The following KLRD1 variants were observed in gnomAD, a reference collection of about 807,000 sequenced individuals.
KLRD1 encodes the protein killer cell lectin like receptor D1, also known as natural killer cells antigen CD94.
Under a neutral mutation model 22.6 loss-of-function variants are expected in KLRD1, and 21 were observed. The observed-to-expected ratio is 0.93, with a 90% CI of 0.66 to 1.34. The LOEUF (loss-of-function observed/expected upper bound fraction) is 1.34. KLRD1 is among the 40% of genes most tolerant of loss of function. The pLI is 0.00. For synonymous variants in KLRD1, 59 were observed against 71.1 expected, an observed-to-expected ratio of 0.83 and a Z score of 0.85; for missense variants, 183 against 208.6, an observed-to-expected ratio of 0.88 and a Z score of 0.76.
chr12:10,267,268 A>G (rs2137638871), intron 1 of KLRD1, among the ~76,000 whole-genome samples: 1 of 152,256 alleles, frequency 6.6e-6, no homozygotes, highest in East Asian at 1.9e-4. Flanking sequence ...CAGTATTATC[A>G]TCTCAGTGTT....
At position 10,244,509 on chromosome 12, in the gene KLRD1, C is replaced by T. The variant is rs184522742; in HGVS notation, c.-101+18276C>T. 9.4e-4 allele frequency among the ~76,000 whole-genome samples: 143 copies of T among 152,236 alleles called. 1 individual carries two copies. The highest frequency in any genetic ancestry group is 2.6e-4 in the Non-Finnish European group (18 of 68,024). On this transcript the variant is annotated intron_variant, in intron 1 of 5. Coordinates refer to the KLRD1 transcript ENST00000544747. ...ATTGTTAAAACTTCAGGGACTGGCA[C>T]GGTGGCTCATGCCTGTAATCCCAGC... is the stretch of plus-strand genomic sequence containing the variant.
chr12:10,291,837 C>T (rs1565461663), intron 1 of KLRD1, among the ~76,000 whole-genome samples: 1 of 152,072 alleles, frequency 6.6e-6, no homozygotes, highest in African/African-American at 2.4e-5. Flanking sequence ...GTTCCCCTCC[C>T]TGTGTCCATG....
intron 1 of KLRD1, among the ~76,000 whole-genome samples, chr12:10,269,022 G>C (rs1382118185): frequency 2.6e-5 from 4 of 151,932 alleles, no homozygotes; most frequent in Non-Finnish European, 5.9e-5. Flanking sequence ...CCTGTATGTA[G>C]AAATAATCCT....
rs994192811 is a variant in KLRD1, at chr12:10,326,826, GC to G, written c.*12034del. 7.9e-5 allele frequency: 12 copies of G among 152,326 alleles called. No homozygotes were observed. Among genetic ancestry groups the G allele is most frequent in the African/African-American group, 2.9e-4 (12 of 41,584 alleles). 9.4% of individuals were successfully genotyped at this position (152,326 alleles called of 1,614,324 possible). ...GCAGTTTTGCCCTAAGCAGTTCCCA[GC>G]TTGAATTTTCCCTTTTGTTGAGTGA... On this transcript the variant is annotated 3_prime_UTR_variant, in exon 6 of 6. Coordinates refer to ENST00000336164, the MANE Select transcript of KLRD1 (RefSeq NM_002262.5).
At chr12:10,252,733 G>C (rs1170433941) in intron 1 of KLRD1, among the ~76,000 whole-genome samples, 1 of 152,080 alleles carries the variant, frequency 6.6e-6, no homozygotes, top group African/African-American at 2.4e-5. Flanking sequence ...TTGAGAAAGA[G>C]GAATAACTTT....
In KLRD1 at chr12:10,324,350, A is replaced by G. The variant is rs1404064668; in HGVS notation, c.*9557A>G. ...TAATTTTGTCATCCTGGTAATCAGC[A>G]TAGTACCTGACAGGCAGTTTTTCTA... On this transcript the variant is annotated 3_prime_UTR_variant, in exon 6 of 6. Transcript: ENST00000336164. The G allele has an allele frequency of 2.0e-5, 3 of 152,194 alleles. No individual in the cohort carries two copies. Among genetic ancestry groups the G allele is most frequent in the East Asian group, 1.9e-4 (1 of 5,200 alleles). 9.4% of individuals were successfully genotyped at this position (152,194 alleles called of 1,614,324 possible).
chr12:10,300,601 A>G (rs1356215201), upstream of KLRD1, among the ~76,000 whole-genome samples: 1 of 152,238 alleles, frequency 6.6e-6, no homozygotes, highest in African/African-American at 2.4e-5. Context: ...CAGAAAAATA[A>G]GTGAGCAATG....
At chr12:10,277,603 T>A (rs1268415808) in intron 1 of KLRD1, among the ~76,000 whole-genome samples, 1 of 152,202 alleles carries the variant, frequency 6.6e-6, no homozygotes, top group South Asian at 2.1e-4. Context: ...ATGATTTTTT[T>A]ACTTCACTTA....
In KLRD1 at chr12:10,315,501, A is replaced by T. The variant is rs2537751; in HGVS notation, c.*708A>T. 27 of 168,842 alleles carry T rather than the reference A, an allele frequency of 1.6e-4. No homozygotes were observed. The highest frequency in any genetic ancestry group is 3.2e-4 in the Non-Finnish European group (25 of 78,050). The allele number at this position is 168,842 out of a possible 1,614,324, so 10.5% of individuals were successfully genotyped here. On this transcript the variant is annotated 3_prime_UTR_variant, in exon 6 of 6. Transcript: ENST00000336164. The stretch of plus-strand genomic sequence containing the variant: ...AACTGACAAAAGATATAGGATGAAA[A>T]ATAATATCTTTCAAATGTTTAATTT...
chr12:10,293,736 G>C (rs1565462321), intron 1 of KLRD1, among the ~76,000 whole-genome samples: 1 of 152,134 alleles, frequency 6.6e-6, no homozygotes, highest in Admixed American at 6.5e-5. Context: ...AGGTAGGGTT[G>C]CCACAAAACC....
At chr12:10,249,927 G>T (rs1314817552) in intron 1 of KLRD1, among the ~76,000 whole-genome samples, 2 of 152,046 alleles carry the variant, frequency 1.3e-5, no homozygotes, top group East Asian at 3.9e-4. Flanking sequence ...GAGTTCGCAG[G>T]AGCTGCCATC....
rs1290928822 is a variant in KLRD1 at position 10,322,452 on chromosome 12, A to G, written c.*7659A>G. 6.6e-6 allele frequency: 1 copy of G among 152,170 alleles called. No homozygotes were observed. The highest frequency in any genetic ancestry group is 1.9e-4 in the East Asian group (1 of 5,192). 9.4% of individuals were successfully genotyped at this position (152,170 alleles called of 1,614,324 possible). A position where few individuals can be genotyped will look rare whatever the true frequency, so the allele number is the denominator to read the frequency against. ...CAATAAAAAACAACTCTTCTGCCAGATTAAAATTTTTTGTTTTTTGGTTTT... is the reference window on the plus strand; with the variant it reads ...CAATAAAAAACAACTCTTCTGCCAGGTTAAAATTTTTTGTTTTTTGGTTTT... On this transcript the variant is annotated 3_prime_UTR_variant, in exon 6 of 6. Transcript: ENST00000336164.
At chr12:10,276,542 T>G (rs1399980541) in intron 1 of KLRD1, among the ~76,000 whole-genome samples, 1 of 152,142 alleles carries the variant, frequency 6.6e-6, no homozygotes, top group Non-Finnish European at 1.5e-5. Flanking sequence ...TCTTTTTTTC[T>G]TTTGAATCGG....
rs993690493 is a variant in KLRD1, at chr12:10,329,232, T to C, written c.*14439T>C. ...ATTTTTGTTTTCATTTATTCTAATG[T>C]GTTTTTAAATTTCCCTTTTGATTTA... On this transcript the variant is annotated 3_prime_UTR_variant, in exon 6 of 6. Coordinates refer to ENST00000336164, the MANE Select transcript of KLRD1 (RefSeq NM_002262.5). The C allele has an allele frequency of 1.4e-4, 22 of 152,260 alleles. No individual in the cohort carries two copies. The highest frequency in any genetic ancestry group is 5.1e-4 in the African/African-American group (21 of 41,476). The allele number at this position is 152,260 out of a possible 1,614,324, so 9.4% of individuals were successfully genotyped here. A position where few individuals can be genotyped will look rare whatever the true frequency, so the allele number is the denominator to read the frequency against.
chr12:10,293,723 T>C (rs537585859), intron 1 of KLRD1, among the ~76,000 whole-genome samples: 1 of 152,300 alleles, frequency 6.6e-6, no homozygotes, highest in East Asian at 1.9e-4. Flanking sequence ...ATAGACTTGC[T>C]AGAGGTAGGG....
At chr12:10,299,258 C>T (rs940548912) in intron 1 of KLRD1, among the ~76,000 whole-genome samples, 1 of 151,684 alleles carries the variant, frequency 6.6e-6, no homozygotes, top group African/African-American at 2.4e-5. Flanking sequence ...TTGACCTTGA[C>T]AAGGAACAGA....
chr12:10,283,229 G>A (rs1949663047), intron 1 of KLRD1, among the ~76,000 whole-genome samples: 1 of 152,202 alleles, frequency 6.6e-6, no homozygotes, highest in African/African-American at 2.4e-5. Context: ...CACAGTGGCT[G>A]GTGCCTGCCA....
At chr12:10,304,010 CATT>C (rs1209382625), upstream of KLRD1, among the ~76,000 whole-genome samples, 2 of 152,162 alleles carry the variant, frequency 1.3e-5, no homozygotes, top group Non-Finnish European at 2.9e-5. Flanking sequence ...GTATATTTCT[CATT>C]ATCTATGTGG....
chr12:10,296,409 G>A (rs1280067774), intron 1 of KLRD1, among the ~76,000 whole-genome samples: 5 of 151,972 alleles, frequency 3.3e-5, no homozygotes, highest in African/African-American at 7.3e-5. Flanking sequence ...CCAGCTACTC[G>A]GGAGGCTGAG....
Sources: gnomAD v4.1 joint callset for allele counts (sites outside exome capture counted in the v4.1 genomes callset) on GRCh38, gnomAD v4.1.1 for gene constraint, MANE v1.5 for transcripts, NCBI Gene and HGNC (gene_info 2026-07-23, HGNC 2026-07-21) for gene names.